Variants in LIMS2 observed in about 807,000 individuals in gnomAD.
LIMS2 encodes the protein LIM and senescent cell antigen-like-containing domain protein 2.
A neutral mutation model predicts 45.3 loss-of-function variants in LIMS2; 30 were observed. The observed-to-expected ratio is 0.66, with a 90% CI of 0.50 to 0.90. LIMS2 has a LOEUF of 0.90. Ranked by LOEUF, LIMS2 falls within the 40% of genes least tolerant of loss-of-function variation. LIMS2 has a pLI of 0.00. For synonymous variants in LIMS2, 173 were observed against 188.0 expected, an observed-to-expected ratio of 0.92 and a Z score of 0.65; for missense variants, 485 against 468.7, an observed-to-expected ratio of 1.03 and a Z score of -0.32.
rs547528708 is a variant in LIMS2 at position 127,647,777 on chromosome 2, C to T, written c.360-4705G>A. On this transcript the variant is annotated intron_variant, in intron 4 of 9. Transcript: ENST00000355119. This position sits in a 1 kb window ranked among gnomAD's most constrained non-coding sequence, Gnocchi z 4.3. ...GGGCTGTCCTCTCTGCTTGCCCATGCGTCTGCCCTGGAGCCCTGTTCCTCC... is the reference window on the plus strand; with the variant it reads ...GGGCTGTCCTCTCTGCTTGCCCATGTGTCTGCCCTGGAGCCCTGTTCCTCC... 6.6e-6 allele frequency among the ~76,000 whole-genome samples: 1 copy of T among 152,158 alleles called. No individual in the cohort carries two copies. The highest frequency in any genetic ancestry group is 2.4e-5 in the African/African-American group (1 of 41,494).
rs75033757 is a variant in LIMS2, at chr2:127,672,225, C to T, written c.11+2789G>A. On this transcript the variant is annotated intron_variant, in intron 1 of 9. Coordinates refer to ENST00000355119, the MANE Select transcript of LIMS2 (RefSeq NM_001161403.3). This position sits in a 1 kb window ranked among gnomAD's most constrained non-coding sequence, Gnocchi z 4.9. ...GTCCCTAGGTAGGTGGCCTTAATAT[C>T]CTCCCTGTAGAACAATGGTGATGCC... 0.014 allele frequency among the ~76,000 whole-genome samples: 2,207 copies of T among 152,308 alleles called. 27 individuals carry two copies. The highest frequency in any genetic ancestry group is 0.024 in the Non-Finnish European group (1,606 of 68,022).
chr2:127,664,146 C>G lies in LIMS2; in HGVS notation c.12-6584G>C, dbSNP rs1684853586. 6.6e-6 allele frequency among the ~76,000 whole-genome samples: 1 copy of G among 152,046 alleles called. No individual in the cohort carries two copies. Among genetic ancestry groups the G allele is most frequent in the South Asian group, 2.1e-4 (1 of 4,822 alleles). ...GACATCCAACCCTGTTAGATAAAGT[C>G]GCACGCGCCCACCCTGTCGCCAACC... On this transcript the variant is annotated intron_variant, in intron 1 of 9. Coordinates refer to ENST00000355119, the MANE Select transcript of LIMS2 (RefSeq NM_001161403.3). This position sits in a 1 kb window ranked among gnomAD's most constrained non-coding sequence, Gnocchi z 5.5.
At chr2:127,652,051 G>C in intron 4 of LIMS2, 1 of 408,738 alleles carries the variant, frequency 2.4e-6, no homozygotes, top group Admixed American at 4.1e-5. Flanking sequence ...AACAATGGAG[G>C]CCTTTCTTTC....
At chr2:127,673,259 G>T (rs981558485) in intron 1 of LIMS2, among the ~76,000 whole-genome samples, 3 of 152,238 alleles carry the variant, frequency 2.0e-5, no homozygotes, top group Non-Finnish European at 4.4e-5. Context: ...AGGCTCTTGG[G>T]AGTGGAACTG....
chr2:127,659,538 G>C (rs912839052), intron 1 of LIMS2, among the ~76,000 whole-genome samples: 6 of 152,210 alleles, frequency 3.9e-5, no homozygotes, highest in Non-Finnish European at 8.8e-5. Context: ...CCTTCCGGGA[G>C]AACACTGTGA....
chr2:127,676,302 G>A (rs924080306), upstream of LIMS2, among the ~76,000 whole-genome samples: 6 of 151,752 alleles, frequency 4.0e-5, no homozygotes, highest in African/African-American at 1.5e-4. Context: ...GTGCCGTTCA[G>A]AAAGATGAGT....
chr2:127,679,536 C>T (rs566335341), upstream of LIMS2, among the ~76,000 whole-genome samples: 19 of 152,122 alleles, frequency 1.2e-4, no homozygotes, highest in Admixed American at 2.6e-4. This position sits in a 1 kb window ranked among gnomAD's most constrained non-coding sequence, Gnocchi z 5.3. Flanking sequence ...TCCCTGGGCA[C>T]GAGCCTTCTG....
Position 127,653,300 on chromosome 2 carries a change from C to T in LIMS2, c.359+1124G>A, listed in dbSNP as rs550363870. Among the ~76,000 whole-genome samples, 2 of 152,202 alleles carry T rather than the reference C, an allele frequency of 1.3e-5. No homozygotes were observed. Among genetic ancestry groups the T allele is most frequent in the East Asian group, 1.9e-4 (1 of 5,172 alleles). On this transcript the variant is annotated intron_variant, in intron 4 of 9. Transcript: ENST00000355119. The surrounding 1 kb of genome is among the most constrained non-coding windows in gnomAD (Gnocchi z 5.3). The stretch of plus-strand genomic sequence containing the variant: ...CATGGCTGGGGCCTCTGGGGGTCGG[C>T]GCTGCCTCTCACTGATACAGGGGAC...
rs149554017 is a variant in LIMS2, at chr2:127,642,561, A to C, written c.509+362T>G. The C allele has an allele frequency of 8.5e-6, 3 of 354,880 alleles. No individual in the cohort carries two copies. Among genetic ancestry groups the C allele is most frequent in the Non-Finnish European group, 1.0e-5 (2 of 194,260 alleles). The allele number at this position is 354,880 out of a possible 1,614,324, so 22.0% of individuals were successfully genotyped here. A position where few individuals can be genotyped will look rare whatever the true frequency, so the allele number is the denominator to read the frequency against. On this transcript the variant is annotated intron_variant, in intron 5 of 9. Transcript: ENST00000355119. This position sits in a 1 kb window ranked among gnomAD's most constrained non-coding sequence, Gnocchi z 5.3. ...GAGGACGGGGGCTGAGGGGCTGCCTATGCAACTCCTCTCTCCAACACCAGC... is the reference window on the plus strand; with the variant it reads ...GAGGACGGGGGCTGAGGGGCTGCCTCTGCAACTCCTCTCTCCAACACCAGC...
At position 127,642,857 on chromosome 2, in the gene LIMS2, C is replaced by A; in HGVS notation, c.509+66G>T. The stretch of plus-strand genomic sequence containing the variant: ...ACACTTCCCCAGGTGGAGGCCCCAC[C>A]GCCCTTACCCTGGGCCAGCCCTGGC... On this transcript the variant is annotated intron_variant, in intron 5 of 9. Transcript: ENST00000355119. The surrounding 1 kb of genome is among the most constrained non-coding windows in gnomAD (Gnocchi z 5.3). 6.6e-7 allele frequency: 1 copy of A among 1,508,792 alleles called. No individual in the cohort carries two copies. Among genetic ancestry groups the A allele is most frequent in the South Asian group, 1.2e-5 (1 of 80,604 alleles). 93.5% of individuals were successfully genotyped at this position (1,508,792 alleles called of 1,614,324 possible).
At chr2:127,644,997 G>A (rs190819030) in intron 4 of LIMS2, among the ~76,000 whole-genome samples, 12 of 152,336 alleles carry the variant, frequency 7.9e-5, no homozygotes, top group African/African-American at 2.9e-4. Context: ...TCTAAAGGTG[G>A]CCTTCAGAAT....
intron 4 of LIMS2, chr2:127,643,538 G>A (rs1245914696): frequency 6.1e-5 from 28 of 456,548 alleles, no homozygotes; most frequent in East Asian, 1.4e-4. Context: ...GCCCAAACAC[G>A]TACAGGCGAT....
At chr2:127,641,190 G>A in intron 6 of LIMS2, 2 of 563,618 alleles carry the variant, frequency 3.5e-6, no homozygotes, top group East Asian at 2.9e-5. Flanking sequence ...ACTGGGCAGA[G>A]GGGACTGACA....
At position 127,675,084 on chromosome 2, in the gene LIMS2, G is replaced by A; in HGVS notation, c.-60C>T. ...TTGCCGCGGGTCTCCCTCTGCTGCT[G>A]CAGCCGCCAGCCGAGCGCCCGCCCG... On this transcript the variant is annotated 5_prime_UTR_variant, in exon 1 of 10. Transcript: ENST00000355119. 1 of 1,225,220 alleles carries A rather than the reference G, an allele frequency of 8.2e-7. No individual in the cohort carries two copies. Among genetic ancestry groups the A allele is most frequent in the African/African-American group, 1.6e-5 (1 of 64,176 alleles). The allele number at this position is 1,225,220 out of a possible 1,614,324, so 75.9% of individuals were successfully genotyped here. A position where few individuals can be genotyped will look rare whatever the true frequency, so the allele number is the denominator to read the frequency against.
upstream of LIMS2, among the ~76,000 whole-genome samples, chr2:127,680,067 G>A (rs905072649): frequency 3.3e-5 from 5 of 152,300 alleles, no homozygotes; most frequent in East Asian, 1.9e-4. Flanking sequence ...GAGACCTGCC[G>A]AATATCAACA....
chr2:127,666,168 C>G (rs192894833), intron 1 of LIMS2, among the ~76,000 whole-genome samples: 1 of 152,178 alleles, frequency 6.6e-6, no homozygotes, highest in African/African-American at 2.4e-5. Flanking sequence ...GGATTTGGTT[C>G]AGTGCTCTGG....
chr2:127,676,407 CTTTTTTTT>C (rs10677718), upstream of LIMS2, among the ~76,000 whole-genome samples: 4 of 115,866 alleles, frequency 3.5e-5, no homozygotes, highest in Non-Finnish European at 5.1e-5. Flanking sequence ...GCAGTTGTTA[CTTTTTTTT>C]TTTTTTTTTT....
Position 127,657,392 on chromosome 2 carries a change from A to G in LIMS2, c.171+11T>C. On this transcript the variant is annotated intron_variant, in intron 2 of 9. Coordinates refer to ENST00000355119, the MANE Select transcript of LIMS2 (RefSeq NM_001161403.3). The stretch of plus-strand genomic sequence containing the variant: ...AGCTGGGTCTGAGAAAGCCCTCAGT[A>G]GTGTCCTCACCTCATAGAAGAGCCC... 6.2e-7 allele frequency: 1 copy of G among 1,613,650 alleles called. No individual in the cohort carries two copies. Among genetic ancestry groups the G allele is most frequent in the South Asian group, 1.1e-5 (1 of 91,086 alleles).
At chr2:127,670,017 C>T (rs902629705) in intron 1 of LIMS2, among the ~76,000 whole-genome samples, 1 of 152,326 alleles carries the variant, frequency 6.6e-6, no homozygotes, top group Admixed American at 6.5e-5. Flanking sequence ...AACCTTCATA[C>T]ATTCCTGGTG....
Sources: gnomAD v4.1 joint callset for allele counts (sites outside exome capture counted in the v4.1 genomes callset) on GRCh38, gnomAD v4.1.1 for gene constraint, Gnocchi (gnomAD v3.1) non-coding constraint, MANE v1.5 for transcripts, NCBI Gene and HGNC (gene_info 2026-07-23, HGNC 2026-07-21) for gene names.